Variants in LY86 observed in about 807,000 individuals in gnomAD.
LY86 encodes the protein lymphocyte antigen 86, also known as MD-1, RP105-associated.
LY86 carries 20 observed loss-of-function variants against 17.3 expected under a neutral mutation model. The ratio of observed to expected loss-of-function variants is 1.15; its 90% CI spans 0.81 to 1.68. The LOEUF (loss-of-function observed/expected upper bound fraction) is 1.68, where lower values mean the gene tolerates loss of function less well. LY86 is among the 40% of genes most tolerant of loss of function. The probability of loss-of-function intolerance (pLI) is 0.00; values close to 1 mark genes in which losing one functional copy is unlikely to be tolerated. For synonymous variants in LY86, 74 were observed against 70.6 expected (o/e 1.05, Z -0.24); for missense variants, 200 against 191.9 (o/e 1.04, Z -0.25).
chr6:6,612,238 CCAGAGTTTATTCCTTCTGATGTT>C (rs1216796075), intron 1 of LY86, among the ~76,000 whole-genome samples: 27 of 152,292 alleles, frequency 1.8e-4, no homozygotes, highest in Admixed American at 1.8e-3. Context: ...GAGGGCGTGT[CCAGAGTTTATTCCTTCTGATGTT>C]CAGATGTGTT....
intron 1 of LY86, among the ~76,000 whole-genome samples, chr6:6,606,996 C>T (rs914823848): frequency 3.9e-5 from 6 of 152,270 alleles, no homozygotes; most frequent in Non-Finnish European, 5.9e-5. Context: ...CTCACTACCG[C>T]TTAGAAGCAA....
At chr6:6,645,776 C>T (rs915603271) in intron 3 of LY86, among the ~76,000 whole-genome samples, 2 of 151,504 alleles carry the variant, frequency 1.3e-5, no homozygotes, top group East Asian at 3.9e-4. Context: ...CCCGTAGCAG[C>T]CACATCCTGA....
intron 4 of LY86, among the ~76,000 whole-genome samples, chr6:6,651,010 T>C (rs1211989516): frequency 1.3e-5 from 2 of 152,232 alleles, no homozygotes; most frequent in African/African-American, 2.4e-5. Flanking sequence ...CTTAAGATAA[T>C]GACCCCCAGT....
At chr6:6,592,659 C>T (rs1489261108) in intron 1 of LY86, among the ~76,000 whole-genome samples, 1 of 152,120 alleles carries the variant, frequency 6.6e-6, no homozygotes, top group Non-Finnish European at 1.5e-5. Context: ...AGAATGGAGA[C>T]TTCATAAATG....
chr6:6,617,817 TTTTTG>T (rs934643454), intron 1 of LY86, among the ~76,000 whole-genome samples: 23 of 152,094 alleles, frequency 1.5e-4, no homozygotes, highest in African/African-American at 5.3e-4. Context: ...GCATTTGGTT[TTTTTG>T]TTTTGTTTTG....
At position 6,635,966 on chromosome 6, in the gene LY86, G is replaced by A. The variant is rs369527143; in HGVS notation, c.352+9545G>A. On this transcript the variant is annotated intron_variant, in intron 3 of 4. Transcript: ENST00000230568. ...TGACTCATCAGACTGCAGTGCTGCC[G>A]CTGGAGAGCAGAGACCTTAGCCCAG... is the stretch of plus-strand genomic sequence containing the variant. Among the ~76,000 whole-genome samples, 13 of 152,328 alleles carry A rather than the reference G, an allele frequency of 8.5e-5. No individual in the cohort carries two copies. The South Asian group carries it at 2.1e-3, about 24-fold the overall frequency.
intron 1 of LY86, among the ~76,000 whole-genome samples, chr6:6,596,205 T>C (rs905154480): frequency 6.6e-6 from 1 of 152,108 alleles, no homozygotes; most frequent in Non-Finnish European, 1.5e-5. Flanking sequence ...ATGTAAAACA[T>C]CTCCGTACAG....
At chr6:6,612,548 A>G (rs147630633) in intron 1 of LY86, among the ~76,000 whole-genome samples, 1 of 152,340 alleles carries the variant, frequency 6.6e-6, no homozygotes, top group African/African-American at 2.4e-5. Flanking sequence ...AAAAGCAACG[A>G]AACAACCAGT....
At chr6:6,605,972 G>A (rs559478099) in intron 1 of LY86, among the ~76,000 whole-genome samples, 18 of 152,280 alleles carry the variant, frequency 1.2e-4, no homozygotes, top group East Asian at 7.7e-4. Context: ...TGGACCCAAA[G>A]AGCGACCACC....
At chr6:6,649,481 C>CTCGATGGT in intron 3 of LY86, 144 bp from the exon 4 acceptor site, 1 of 595,110 alleles carries the variant, frequency 1.7e-6, no homozygotes, top group Non-Finnish European at 2.9e-6. Context: ...AGGTGTAGAT[C>CTCGATGGT]AGGAAATGAA....
At chr6:6,617,467 T>C (rs2113129712) in intron 1 of LY86, among the ~76,000 whole-genome samples, 1 of 152,350 alleles carries the variant, frequency 6.6e-6, no homozygotes, top group East Asian at 1.9e-4. Flanking sequence ...GTGTTGACTA[T>C]AAATGAGAGA....
chr6:6,627,671 G>A (rs572485428), intron 3 of LY86, among the ~76,000 whole-genome samples: 25 of 152,218 alleles, frequency 1.6e-4, no homozygotes, highest in African/African-American at 2.7e-4. Flanking sequence ...ACAGACACAC[G>A]CAGAGCAAAA....
intron 3 of LY86, among the ~76,000 whole-genome samples, chr6:6,628,932 A>G (rs1404381739): frequency 6.6e-6 from 1 of 152,264 alleles, no homozygotes; most frequent in Non-Finnish European, 1.5e-5. Context: ...ATCCTAGCAG[A>G]GAGTACATTT....
intron 1 of LY86, among the ~76,000 whole-genome samples, chr6:6,604,472 G>A (rs891675973): frequency 4.6e-5 from 7 of 152,122 alleles, no homozygotes; most frequent in African/African-American, 1.7e-4. Flanking sequence ...TTAAAACATT[G>A]TTTTTAAAAT....
chr6:6,617,548 AGAT>A (rs1332641229), intron 1 of LY86, among the ~76,000 whole-genome samples: 1 of 152,246 alleles, frequency 6.6e-6, no homozygotes, highest in Non-Finnish European at 1.5e-5. Context: ...TATCATAATC[AGAT>A]GATGAAGTAT....
At chr6:6,603,615 C>CAAAAAAAAAAAA (rs1221531073) in intron 1 of LY86, among the ~76,000 whole-genome samples, 3 of 114,160 alleles carry the variant, frequency 2.6e-5, no homozygotes, top group African/African-American at 1.0e-4. Context: ...GAAAAAAAAA[C>CAAAAAAAAAAAA]AAACAAAAAA....
intron 1 of LY86, among the ~76,000 whole-genome samples, chr6:6,604,679 T>C (rs766464077): frequency 1.3e-5 from 2 of 152,062 alleles, no homozygotes; most frequent in Non-Finnish European, 2.9e-5. Flanking sequence ...ATGCAATAAC[T>C]CTTCAATGTT....
intron 1 of LY86, among the ~76,000 whole-genome samples, chr6:6,596,434 G>A (rs1298410813): frequency 6.6e-6 from 1 of 152,058 alleles, no homozygotes; most frequent in Non-Finnish European, 1.5e-5. Flanking sequence ...AGGTCATCTA[G>A]TCACTTAGCA....
intron 3 of LY86, among the ~76,000 whole-genome samples, chr6:6,634,550 G>T (rs1366689496): frequency 6.6e-6 from 1 of 152,358 alleles, no homozygotes; most frequent in East Asian, 1.9e-4. Context: ...AGTCAAAGGT[G>T]TAACCACGGT....
Sources: allele counts gnomAD v4.1 joint callset (sites outside exome capture counted in the v4.1 genomes callset), GRCh38; gene constraint gnomAD v4.1.1; transcripts MANE v1.5; gene names NCBI Gene and HGNC (gene_info 2026-07-23, HGNC 2026-07-21).